The following RNLS variants were observed in gnomAD, a reference collection of about 807,000 sequenced individuals.
The protein encoded by RNLS is renalase.
RNLS carries 39 observed loss-of-function variants against 39.8 expected under a neutral mutation model. The observed-to-expected ratio is 0.98, with a 90% confidence interval of 0.76 to 1.28. The LOEUF (loss-of-function observed/expected upper bound fraction) is 1.28. Ranked by LOEUF, RNLS falls within the 50% of genes most tolerant of loss-of-function variation. The pLI is 0.00. For missense variants in RNLS, 410 were observed against 413.3 expected, an observed-to-expected ratio of 0.99 and a Z score of 0.07; for synonymous variants, 147 against 150.7, an observed-to-expected ratio of 0.98 and a Z score of 0.18.
chr10:88,398,148 C>T (rs1014430672), intron 4 of RNLS, among the ~76,000 whole-genome samples: 2 of 151,970 alleles, frequency 1.3e-5, no homozygotes, highest in African/African-American at 4.8e-5. Context: ...CTCATAGATC[C>T]CAAAAGAAGA....
intron 4 of RNLS, among the ~76,000 whole-genome samples, chr10:88,515,061 A>AT (rs59913852): frequency 0.17 from 25,894 of 151,602 alleles, 2,430 homozygotes; most frequent in Middle Eastern, 0.28. Context: ...TAATGGCTAC[A>AT]TTTTTTTTCT....
chr10:88,368,426 T>C (rs962233353), intron 4 of RNLS, among the ~76,000 whole-genome samples: 7 of 152,136 alleles, frequency 4.6e-5, no homozygotes, highest in Non-Finnish European at 8.8e-5. Context: ...TATTAATGAA[T>C]ATATCCTCAT....
the RNLS span, among the ~76,000 whole-genome samples, chr10:88,216,274 A>C: frequency 1.3e-5 from 2 of 152,246 alleles, no homozygotes; most frequent in African/African-American, 2.4e-5. Context: ...CTCAAACTGC[A>C]TTAAGCAGTA....
At chr10:88,439,630 G>A (rs1040771349) in intron 4 of RNLS, among the ~76,000 whole-genome samples, 1 of 152,138 alleles carries the variant, frequency 6.6e-6, no homozygotes, top group Admixed American at 6.5e-5. Flanking sequence ...ATCATGACAC[G>A]CTGGAGTTGG....
intron 4 of RNLS, among the ~76,000 whole-genome samples, chr10:88,479,966 G>A (rs1034640181): frequency 1.3e-5 from 2 of 151,984 alleles, no homozygotes; most frequent in African/African-American, 4.8e-5. Context: ...CTCTGCACAA[G>A]CTCACATTCA....
intron 4 of RNLS, among the ~76,000 whole-genome samples, chr10:88,524,597 A>C (rs1846968016): frequency 6.6e-6 from 1 of 151,984 alleles, no homozygotes; most frequent in African/African-American, 2.4e-5. Flanking sequence ...AATTAAACAA[A>C]ATTTAACATT....
chr10:88,509,190 C>A (rs965755455), intron 4 of RNLS, among the ~76,000 whole-genome samples: 3 of 152,068 alleles, frequency 2.0e-5, no homozygotes, highest in Non-Finnish European at 4.4e-5. Flanking sequence ...GGACTCATCA[C>A]TTTTTAAAAA....
At chr10:88,532,381 T>C (rs1847481410) in intron 4 of RNLS, among the ~76,000 whole-genome samples, 1 of 152,032 alleles carries the variant, frequency 6.6e-6, no homozygotes, top group South Asian at 2.1e-4. Context: ...AAATACTTAC[T>C]AGTATACTGC....
intron 5 of RNLS, among the ~76,000 whole-genome samples, chr10:88,325,132 C>A (rs1400185150): frequency 6.6e-6 from 1 of 152,090 alleles, no homozygotes; most frequent in Non-Finnish European, 1.5e-5. Flanking sequence ...AGTTCAAGTC[C>A]CTGCTTTCAC....
At chr10:88,242,026 G>A in the RNLS span, among the ~76,000 whole-genome samples, 1 of 152,116 alleles carries the variant, frequency 6.6e-6, no homozygotes, top group Non-Finnish European at 1.5e-5. Context: ...CCTGGACCAG[G>A]AGACCCTTGA....
At chr10:88,403,599 T>C (rs1853073778) in intron 4 of RNLS, among the ~76,000 whole-genome samples, 1 of 152,094 alleles carries the variant, frequency 6.6e-6, no homozygotes, top group African/African-American at 2.4e-5. Context: ...CTGTAATTTC[T>C]ATATTTGCAC....
intron 4 of RNLS, among the ~76,000 whole-genome samples, chr10:88,517,229 G>A (rs1846454820): frequency 6.6e-6 from 1 of 151,898 alleles, no homozygotes; most frequent in South Asian, 2.1e-4. Context: ...ATTGCCCTAT[G>A]TACAGAACTC....
At chr10:88,556,294 T>G (rs967325337) in intron 4 of RNLS, among the ~76,000 whole-genome samples, 18 of 152,156 alleles carry the variant, frequency 1.2e-4, no homozygotes, top group African/African-American at 4.1e-4. Flanking sequence ...TTAGAATTGA[T>G]GCAAAAATGA....
chr10:88,380,408 C>G (rs1237974136), intron 4 of RNLS, among the ~76,000 whole-genome samples: 1 of 121,730 alleles, frequency 8.2e-6, no homozygotes, highest in Admixed American at 1.1e-4. Flanking sequence ...CGGAGTCTCT[C>G]TCTGTCACCC....
At chr10:88,226,343 T>TC in the RNLS span, among the ~76,000 whole-genome samples, 1 of 152,168 alleles carries the variant, frequency 6.6e-6, no homozygotes, top group East Asian at 1.9e-4. Context: ...TTAACGTCTA[T>TC]CCCAACTAGC....
intron 4 of RNLS, among the ~76,000 whole-genome samples, chr10:88,565,992 C>T (rs572630077): frequency 6.6e-6 from 1 of 151,796 alleles, no homozygotes; most frequent in Non-Finnish European, 1.5e-5. Flanking sequence ...CGTGATCCGC[C>T]CACCTCAGAC....
intron 6 of RNLS, among the ~76,000 whole-genome samples, chr10:88,308,405 C>T (rs1397002805): frequency 1.3e-5 from 2 of 151,442 alleles, no homozygotes; most frequent in Non-Finnish European, 2.9e-5. Context: ...GTCTAATATC[C>T]AGCAACTATA....
chr10:88,280,530 G>T (rs1842973920), downstream of RNLS, among the ~76,000 whole-genome samples: 1 of 152,046 alleles, frequency 6.6e-6, no homozygotes, highest in Non-Finnish European at 1.5e-5. Context: ...TGGGGGGAGG[G>T]GTTGAACCTA....
chr10:88,565,046 G>A (rs924444914), intron 4 of RNLS, among the ~76,000 whole-genome samples: 1 of 152,154 alleles, frequency 6.6e-6, no homozygotes, highest in Non-Finnish European at 1.5e-5. Flanking sequence ...TACAGACGTG[G>A]CTGTTCATAG....
Sources: allele counts gnomAD v4.1 joint callset (sites outside exome capture counted in the v4.1 genomes callset), GRCh38; gene constraint gnomAD v4.1.1; transcripts MANE v1.5; gene names NCBI Gene and HGNC (gene_info 2026-07-23, HGNC 2026-07-21).